LIMD1: variants seen among roughly 807,000 people sequenced by gnomAD.
LIMD1 encodes LIM domain containing 1, also known as LIM domain-containing protein 1.
Under a neutral mutation model 58.4 loss-of-function variants are expected in LIMD1, and 23 were observed. The observed-to-expected ratio is 0.39, with a 90% CI of 0.28 to 0.56. The LOEUF (loss-of-function observed/expected upper bound fraction) is 0.56, where lower values mean the gene tolerates loss of function less well. Ranked by LOEUF, LIMD1 falls within the 20% of genes least tolerant of loss-of-function variation. The pLI is 0.57. For missense variants in LIMD1, 838 were observed against 855.5 expected, an observed-to-expected ratio of 0.98 and a Z score of 0.25; for synonymous variants, 334 against 345.5, an observed-to-expected ratio of 0.97 and a Z score of 0.37.
intron 1 of LIMD1, among the ~76,000 whole-genome samples, chr3:45,620,093 G>A (rs945778840): frequency 1.3e-5 from 2 of 152,018 alleles, no homozygotes; most frequent in African/African-American, 4.8e-5. Context: ...AGGGAGAAGC[G>A]ATATGAATGT....
intron 2 of LIMD1, among the ~76,000 whole-genome samples, chr3:45,638,567 T>C (rs904827841): frequency 3.3e-5 from 5 of 152,228 alleles, no homozygotes; most frequent in South Asian, 2.1e-4. Context: ...GGCACCTAGG[T>C]TGATTCCATG....
chr3:45,601,973 C>T (rs1425918759), intron 1 of LIMD1, among the ~76,000 whole-genome samples: 4 of 148,816 alleles, frequency 2.7e-5, no homozygotes, highest in Admixed American at 6.7e-5. Context: ...GACAGAGTCT[C>T]GCTCTGTCGC....
intron 2 of LIMD1, among the ~76,000 whole-genome samples, chr3:45,653,409 A>T (rs1207447162): frequency 6.6e-6 from 1 of 152,162 alleles, no homozygotes; most frequent in Non-Finnish European, 1.5e-5. Context: ...GGGAACCTGA[A>T]GGGTTTGGGT....
At chr3:45,611,380 A>C (rs1170309928) in intron 1 of LIMD1, among the ~76,000 whole-genome samples, 1 of 152,244 alleles carries the variant, frequency 6.6e-6, no homozygotes, top group African/African-American at 2.4e-5. Flanking sequence ...TGCTGTGTGC[A>C]CAGGGCTTGA....
chr3:45,660,508 C>T lies in LIMD1; in HGVS notation c.1511-5142C>T, dbSNP rs140942530. 2.7e-3 allele frequency among the ~76,000 whole-genome samples: 415 copies of T among 151,020 alleles called. 10 individuals are homozygous for T. In the East Asian group the frequency reaches 0.051, roughly 19 times the overall value. ...TTAGCTTCCTGCAGCCTCCGCCTCC[C>T]AGGTTCAAGCGATTCTCCTACCGCG... On this transcript the variant is annotated intron_variant, in intron 2 of 7. Transcript: ENST00000273317.
chr3:45,650,387 G>A (rs1391556808), intron 2 of LIMD1, among the ~76,000 whole-genome samples: 3 of 151,868 alleles, frequency 2.0e-5, no homozygotes, highest in South Asian at 4.1e-4. Flanking sequence ...TGCACAATGT[G>A]CAGTTTTGTT....
intron 1 of LIMD1, among the ~76,000 whole-genome samples, chr3:45,616,179 G>A (rs1252698586): frequency 2.6e-5 from 4 of 152,120 alleles, no homozygotes; most frequent in Admixed American, 6.5e-5. Flanking sequence ...TTTGATATGA[G>A]TAATTTTGGA....
chr3:45,668,476 C>T (rs113649530), intron 4 of LIMD1, 120 bp downstream of exon 4: 26,886 of 755,922 alleles, frequency 0.036, 570 homozygotes, highest in African/African-American at 0.068. Context: ...TACAGCTGGG[C>T]GCAGTGGCTC....
chr3:45,658,359 G>A (rs185702939), intron 2 of LIMD1, among the ~76,000 whole-genome samples: 17 of 152,044 alleles, frequency 1.1e-4, no homozygotes, highest in African/African-American at 3.1e-4. Context: ...TCCTGTGTCC[G>A]GACATGGGAA....
rs530317228 is a variant in LIMD1, at chr3:45,683,622, C to G, written c.*6563C>G. On this transcript the variant is annotated 3_prime_UTR_variant, in exon 8 of 8. Coordinates refer to ENST00000273317, the MANE Select transcript of LIMD1 (RefSeq NM_014240.3). ...TCAGCCTCTGATTGGTCCCCTCCCA[C>G]AACCAATCAAACTGATCATGGACCT... 1.0e-3 allele frequency: 154 copies of G among 152,354 alleles called. No homozygotes were observed. The highest frequency in any genetic ancestry group is 3.4e-3 in the African/African-American group (143 of 41,576). 9.4% of individuals were successfully genotyped at this position (152,354 alleles called of 1,614,324 possible).
intron 7 of LIMD1, among the ~76,000 whole-genome samples, chr3:45,674,968 C>T (rs1022050620): frequency 6.6e-6 from 1 of 152,190 alleles, no homozygotes; most frequent in South Asian, 2.1e-4. Context: ...AGAGGTTGCC[C>T]CTCACCAACC....
intron 2 of LIMD1, among the ~76,000 whole-genome samples, chr3:45,651,015 T>TTTTTTTTTTTTTTTTTTTG (rs1553645537): frequency 6.6e-6 from 1 of 151,180 alleles, no homozygotes; most frequent in African/African-American, 2.4e-5. Context: ...CCTGACTTTT[T>TTTTTTTTTTTTTTTTTTTG]AATAATCGCC....
intron 1 of LIMD1, among the ~76,000 whole-genome samples, chr3:45,628,809 G>C (rs1575351231): frequency 6.6e-6 from 1 of 152,190 alleles, no homozygotes; most frequent in South Asian, 2.1e-4. Flanking sequence ...TTCATATGGT[G>C]GAATACCACA....
At chr3:45,607,211 A>G (rs748719368) in intron 1 of LIMD1, among the ~76,000 whole-genome samples, 40 of 152,334 alleles carry the variant, frequency 2.6e-4, no homozygotes, top group Non-Finnish European at 5.0e-4. Context: ...GCAGGGTAGC[A>G]CTTGCCAGCG....
intron 2 of LIMD1, among the ~76,000 whole-genome samples, chr3:45,636,754 A>G (rs999574986): frequency 7.2e-5 from 11 of 152,254 alleles, no homozygotes; most frequent in African/African-American, 2.4e-4. Context: ...GTGTGTGTGC[A>G]TGCCACCCAT....
chr3:45,676,676 C>G (rs1189528582), intron 7 of LIMD1, among the ~76,000 whole-genome samples: 1 of 152,132 alleles, frequency 6.6e-6, no homozygotes, highest in Non-Finnish European at 1.5e-5. Context: ...CTCTTTTTGT[C>G]CTAAGTCTTC....
At chr3:45,654,816 A>T (rs1702010485) in intron 2 of LIMD1, among the ~76,000 whole-genome samples, 1 of 147,916 alleles carries the variant, frequency 6.8e-6, no homozygotes, top group Non-Finnish European at 1.5e-5. Context: ...CTGTCTCAAA[A>T]AAAAAAAAAA....
At chr3:45,672,313 G>A (rs555630437) in intron 4 of LIMD1, among the ~76,000 whole-genome samples, 50 of 152,188 alleles carry the variant, frequency 3.3e-4, no homozygotes, top group Admixed American at 8.5e-4. Flanking sequence ...GCTTTGCATC[G>A]TTTCCCACTT....
chr3:45,595,436 C>T lies in LIMD1; in HGVS notation c.557C>T (p.Ala186Val), dbSNP rs535117674. 64 of 1,613,896 alleles carry T rather than the reference C, an allele frequency of 4.0e-5. No homozygotes were observed. Among genetic ancestry groups the T allele is most frequent in the Non-Finnish European group, 5.3e-5 (63 of 1,179,972 alleles). Residue 186 changes from alanine to valine, a missense_variant, in exon 1 of 8, where the codon GCA becomes GTA. Coordinates refer to ENST00000273317, the MANE Select transcript of LIMD1 (RefSeq NM_014240.3). ...GACTATTATGACAACCTCTCCTTGG[C>T]AAGCCCAAAGTGGGGTGACAAACCA... ...HGDYYDNLSL[A>V]SPKWGDKPGV...
Sources: gnomAD v4.1 joint callset for allele counts (sites outside exome capture counted in the v4.1 genomes callset) on GRCh38, gnomAD v4.1.1 for gene constraint, MANE v1.5 for transcripts, NCBI Gene and HGNC (gene_info 2026-07-23, HGNC 2026-07-21) for gene names.